The following CLCA2 variants were observed in gnomAD, a reference collection of about 807,000 sequenced individuals.
CLCA2 encodes calcium-activated chloride channel regulator 2.
A neutral mutation model predicts 82.9 loss-of-function variants in CLCA2; 85 were observed. The observed-to-expected ratio is 1.03, with a 90% CI of 0.86 to 1.23. The LOEUF (loss-of-function observed/expected upper bound fraction) is 1.23. CLCA2 is among the 50% of genes most tolerant of loss of function. The probability of loss-of-function intolerance (pLI) is 0.00; values close to 1 mark genes in which losing one functional copy is unlikely to be tolerated. For missense variants in CLCA2, 1,089 were observed against 1,124.8 expected, an observed-to-expected ratio of 0.97 and a Z score of 0.45; for synonymous variants, 421 against 391.7, an observed-to-expected ratio of 1.07 and a Z score of -0.88.
At position 86,432,228 on chromosome 1, in the gene CLCA2, A is replaced by G. The variant is rs931422481; in HGVS notation, c.585-141A>G. On this transcript the variant is annotated intron_variant, in intron 4 of 13. Transcript: ENST00000370565. ...TGGGATTACAGGTGTGAGCCACAGC[A>G]CCCCGCCAGTAGAGCAGTTTTTAAA... 8 of 893,440 alleles carry G rather than the reference A, an allele frequency of 9.0e-6. 1 individual carries two copies. The Admixed American group carries it at 1.6e-4, about 18-fold the overall frequency. 55.3% of individuals were successfully genotyped at this position (893,440 alleles called of 1,614,324 possible).
intron 2 of CLCA2, among the ~76,000 whole-genome samples, chr1:86,426,032 G>C (rs953206761): frequency 6.6e-6 from 1 of 152,112 alleles, no homozygotes; most frequent in Non-Finnish European, 1.5e-5. Flanking sequence ...TAGGGGAATG[G>C]CTACCTTTTT....
chr1:86,444,949 T>G (rs1398601490), intron 10 of CLCA2, among the ~76,000 whole-genome samples: 1 of 151,808 alleles, frequency 6.6e-6, no homozygotes, highest in Non-Finnish European at 1.5e-5. Flanking sequence ...CAGGCGGGAG[T>G]GCAGTGGCAC....
intron 3 of CLCA2, among the ~76,000 whole-genome samples, chr1:86,429,774 G>C (rs1477094418): frequency 1.3e-5 from 2 of 152,138 alleles, no homozygotes; most frequent in African/African-American, 4.8e-5. Context: ...CTAGGGTTTT[G>C]TTAACAAGGA....
chr1:86,446,565 A>G (rs1180249310), intron 10 of CLCA2, among the ~76,000 whole-genome samples: 1 of 152,222 alleles, frequency 6.6e-6, no homozygotes, highest in African/African-American at 2.4e-5. Context: ...AAAAACAAAA[A>G]AACATAGTCC....
intron 10 of CLCA2, among the ~76,000 whole-genome samples, chr1:86,447,066 C>T (rs867092784): frequency 6.6e-6 from 1 of 152,022 alleles, no homozygotes; most frequent in Admixed American, 6.5e-5. Flanking sequence ...TTTTAGTCCA[C>T]GGTGTCCACA....
chr1:86,450,626 G>A lies in CLCA2; in HGVS notation c.2048G>A (p.Gly683Asp), dbSNP rs1485628595. 6.2e-7 allele frequency: 1 copy of A among 1,613,070 alleles called. No homozygotes were observed. Among genetic ancestry groups the A allele is most frequent in the Non-Finnish European group, 8.5e-7 (1 of 1,179,490 alleles). Residue 683 changes from glycine to aspartate, a missense_variant, in exon 12 of 14, where the codon GGT (glycine) becomes GAT (aspartate). Coordinates refer to ENST00000370565, the MANE Select transcript of CLCA2 (RefSeq NM_006536.7). The stretch of plus-strand genomic sequence containing the variant: ...TATTTTTTCTCCTTTGCTGCAAATG[G>A]TAGATATAGCTTGAAAGTGCATGTC... ...SRYFFSFAAN[G>D]RYSLKVHVNH... is the part of the protein sequence containing the mutation.
rs757436703 is a variant in CLCA2, at chr1:86,424,282, ACCTGAAGTTTGTGACTCTCCTGGTTG to A, written c.39_64del (p.Val16ArgfsTer17). The A allele has an allele frequency of 1.2e-6, 2 of 1,613,596 alleles. No individual in the cohort carries two copies. The highest frequency in any genetic ancestry group is 2.7e-5 in the African/African-American group (2 of 74,870). On this transcript the variant is annotated frameshift_variant, in exon 1 of 14. Coordinates refer to ENST00000370565, the MANE Select transcript of CLCA2 (RefSeq NM_006536.7). LOFTEE classifies it high-confidence loss of function. ...AGGAGCATTGCAGGTCCTATTTGCA[ACCTGAAGTTTGTGACTCTCCTGGTTG>A]CCTTAAGTTCAGAACTCCCATTCCT... is the stretch of plus-strand genomic sequence containing the variant.
intron 8 of CLCA2, among the ~76,000 whole-genome samples, chr1:86,440,947 C>T (rs1217269410): frequency 6.6e-6 from 1 of 152,062 alleles, no homozygotes; most frequent in Non-Finnish European, 1.5e-5. Context: ...TAGGGACACA[C>T]ACAGTGTTTT....
intron 2 of CLCA2, among the ~76,000 whole-genome samples, chr1:86,427,012 T>C (rs1029577784): frequency 3.9e-5 from 6 of 152,172 alleles, no homozygotes; most frequent in African/African-American, 1.4e-4. Flanking sequence ...ATACCAATTC[T>C]TTAACCTCAG....
intron 8 of CLCA2, 25 bp downstream of exon 8, chr1:86,440,350 T>C: frequency 1.9e-6 from 3 of 1,599,430 alleles, no homozygotes; most frequent in South Asian, 1.1e-5. Flanking sequence ...AAAACTTATC[T>C]TTTGGAGCAT....
At chr1:86,447,860 C>A in intron 11 of CLCA2, 82 bp downstream of exon 11, 1 of 1,393,122 alleles carries the variant, frequency 7.2e-7, no homozygotes, top group Non-Finnish European at 9.6e-7. Flanking sequence ...TTAAGCTTAT[C>A]TGTAAGATTC....
intron 10 of CLCA2, among the ~76,000 whole-genome samples, chr1:86,446,352 A>G (rs935340254): frequency 1.3e-5 from 2 of 149,458 alleles, no homozygotes; most frequent in African/African-American, 4.9e-5. Context: ...CTCTGCTCCT[A>G]TTGAACTTTT....
intron 1 of CLCA2, 82 bp downstream of exon 1, chr1:86,424,515 G>C: frequency 8.1e-7 from 1 of 1,235,598 alleles, no homozygotes; most frequent in Admixed American, 2.5e-5. Context: ...TACCCTGCCT[G>C]GTTTGTATTT....
rs753484167 is a variant in CLCA2 at position 86,452,176 on chromosome 1, C to CTTTTTTTTTT, written c.2156-1178_2156-1169dup. Among the ~76,000 whole-genome samples, 34 of 43,928 alleles carry CTTTTTTTTTT rather than the reference C, an allele frequency of 7.7e-4. 1 individual carries two copies. Among genetic ancestry groups the CTTTTTTTTTT allele is most frequent in the East Asian group, 1.6e-3 (2 of 1,218 alleles). The allele number at this position is 43,928 out of a possible 152,430, so 28.8% of individuals were successfully genotyped here. A position where few individuals can be genotyped will look rare whatever the true frequency, so the allele number is the denominator to read the frequency against. On this transcript the variant is annotated intron_variant, in intron 12 of 13. Transcript: ENST00000370565. ...CTTGCTCATTTTAGAAACCTGGAAG[C>CTTTTTTTTTT]TTTTTTTTTTTTTTTTTTTTTTTTC...
rs1662695314 is a variant in CLCA2, at chr1:86,440,180, C to T, written c.1236C>T (p.Gly412=). 2.5e-6 allele frequency: 4 copies of T among 1,614,068 alleles called. No individual in the cohort carries two copies. The highest frequency in any genetic ancestry group is 1.1e-5 in the South Asian group (1 of 91,088). The change falls in exon 8 of 14, where the codon GGC becomes GGT. Residue 412 remains glycine (G), a synonymous_variant. Coordinates refer to ENST00000370565, the MANE Select transcript of CLCA2 (RefSeq NM_006536.7). ...AAAAACTGAATGGAAAAGCTTATGG[C>T]TCTGTGATGATATTAGTGACCAGCG... is the stretch of plus-strand genomic sequence containing the variant. The part of the protein sequence containing the change: ...VVEKLNGKAY[G]SVMILVTSGD...
At chr1:86,442,982 G>A (rs1662767273) in intron 9 of CLCA2, among the ~76,000 whole-genome samples, 1 of 152,074 alleles carries the variant, frequency 6.6e-6, no homozygotes, top group South Asian at 2.1e-4. Context: ...CTCTGTACAT[G>A]TTACACATGT....
intron 11 of CLCA2, among the ~76,000 whole-genome samples, chr1:86,449,001 C>A (rs1201610162): frequency 6.6e-6 from 1 of 152,192 alleles, no homozygotes; most frequent in East Asian, 1.9e-4. Flanking sequence ...TTCCTTGGAA[C>A]TATTTTATTT....
intron 2 of CLCA2, among the ~76,000 whole-genome samples, chr1:86,427,059 A>G (rs1364852662): frequency 6.6e-6 from 1 of 152,170 alleles, no homozygotes; most frequent in Non-Finnish European, 1.5e-5. Flanking sequence ...ATCATTATGT[A>G]CGGGACCACG....
At position 86,455,187 on chromosome 1, in the gene CLCA2, C is replaced by G. The variant is rs1663049772; in HGVS notation, c.2492C>G (p.Ala831Gly). Residue 831 changes from alanine (A) to glycine (G), a missense_variant, in exon 14 of 14, where the codon GCT becomes GGT. Physicochemically the swap from Ala to Gly is moderately conservative, Grantham distance 60. Coordinates refer to ENST00000370565, the MANE Select transcript of CLCA2 (RefSeq NM_006536.7). ...ACATCAAAGCGAAATCCTCAGCAAGCTGGCATCAGGGAGATATTTACGTTC... is the reference window on the plus strand; with the variant it reads ...ACATCAAAGCGAAATCCTCAGCAAGGTGGCATCAGGGAGATATTTACGTTC... ...VNTSKRNPQQAGIREIFTFSP... is the reference protein window; with the variant it reads ...VNTSKRNPQQGGIREIFTFSP... 6.2e-7 allele frequency: 1 copy of G among 1,613,698 alleles called. No homozygotes were observed. The highest frequency in any genetic ancestry group is 1.7e-5 in the Admixed American group (1 of 60,002).
Sources: gnomAD v4.1 joint callset for allele counts (sites outside exome capture counted in the v4.1 genomes callset) on GRCh38, gnomAD v4.1.1 for gene constraint, MANE v1.5 for transcripts, NCBI Gene and HGNC (gene_info 2026-07-23, HGNC 2026-07-21) for gene names.